Variants in JADE3 observed in about 807,000 individuals in gnomAD.
JADE3 encodes the protein protein Jade-3.
Under a neutral mutation model 50.1 loss-of-function variants are expected in JADE3, and 2 were observed. The ratio of observed to expected loss-of-function variants is 0.04; its 90% CI spans 0.02 to 0.13. The LOEUF (loss-of-function observed/expected upper bound fraction) is 0.13. Ranked by LOEUF, JADE3 falls within the 10% of genes least tolerant of loss-of-function variation. The probability of loss-of-function intolerance (pLI) is 1.00; values close to 1 mark genes in which losing one functional copy is unlikely to be tolerated. For missense variants in JADE3, 475 were observed against 634.4 expected (o/e 0.75, Z 2.70); for synonymous variants, 218 against 232.9 (o/e 0.94, Z 0.58).
chrX:46,991,071 TC>T (rs1174749618), intron 3 of JADE3, among the ~76,000 whole-genome samples: 49 of 300 alleles, frequency 0.16, 6 homozygotes, highest in South Asian at 0.33. Flanking sequence ...ACTCCCTCCC[TC>T]CCCCCCCCCC....
chrX:46,920,804 G>A (rs1926204935), intron 1 of JADE3, among the ~76,000 whole-genome samples: 1 of 112,072 alleles, frequency 8.9e-6, no homozygotes, highest in African/African-American at 3.2e-5. Flanking sequence ...TGGGCTCTCT[G>A]TTGCATTGAT....
rs1929703115 is a variant in JADE3, at chrX:47,059,026, C to T, written c.2421C>T (p.Cys807=). 1 of 1,204,896 alleles carries T rather than the reference C, an allele frequency of 8.3e-7. No individual in the cohort carries two copies. The highest frequency in any genetic ancestry group is 1.1e-6 in the Non-Finnish European group (1 of 893,753). The change falls in exon 11 of 11, where the codon TGC becomes TGT. Residue 807 remains cysteine, a synonymous_variant. Coordinates refer to ENST00000614628, the MANE Select transcript of JADE3 (RefSeq NM_014735.5). Reference sequence around the variant, plus strand: ...CTCCCCATGACTCTAGACGGGATTGCCATGGTAAAAGCAAGACACATCCCC... The same window carrying T: ...CTCCCCATGACTCTAGACGGGATTGTCATGGTAAAAGCAAGACACATCCCC... ...ENPPHDSRRD[C]HGKSKTHPLS...
chrX:46,993,063 G>A (rs782338759), intron 3 of JADE3, among the ~76,000 whole-genome samples: 15 of 111,924 alleles, frequency 1.3e-4, no homozygotes, highest in Non-Finnish European at 2.6e-4. Context: ...CTGGCTGGGT[G>A]CTGTGGCTCA....
chrX:47,055,332 A>G (rs1366311432), intron 9 of JADE3, among the ~76,000 whole-genome samples: 1 of 111,819 alleles, frequency 8.9e-6, no homozygotes, highest in East Asian at 2.8e-4. Context: ...AAATCTATAA[A>G]TGGCTTGTGT....
At chrX:46,956,612 G>A (rs1039889350) in intron 1 of JADE3, among the ~76,000 whole-genome samples, 2 of 102,980 alleles carry the variant, frequency 1.9e-5, no homozygotes, top group East Asian at 3.2e-4. Flanking sequence ...GTGCAGCCTC[G>A]AACTCCTGGG....
intron 4 of JADE3, among the ~76,000 whole-genome samples, chrX:47,011,269 T>C (rs782115988): frequency 8.9e-5 from 10 of 112,456 alleles, no homozygotes; most frequent in Non-Finnish European, 1.3e-4. Flanking sequence ...CTGACTTTTT[T>C]CATGTAGCAT....
intron 4 of JADE3, among the ~76,000 whole-genome samples, chrX:47,010,147 A>G (rs1432806543): frequency 9.0e-6 from 1 of 110,745 alleles, no homozygotes; most frequent in African/African-American, 3.3e-5. Context: ...TTGTCACATG[A>G]CCTCTGTGGT....
chrX:46,944,961 A>T (rs1433526831), intron 1 of JADE3, among the ~76,000 whole-genome samples: 7 of 108,156 alleles, frequency 6.5e-5, no homozygotes, highest in African/African-American at 2.4e-4. Flanking sequence ...CTCCCACTTC[A>T]GCCTCCCAAG....
At chrX:46,926,997 G>T (rs782567949) in intron 1 of JADE3, among the ~76,000 whole-genome samples, 2 of 112,256 alleles carry the variant, frequency 1.8e-5, no homozygotes, top group African/African-American at 6.5e-5. Context: ...ATATAAGTTT[G>T]CATTTCTCTA....
chrX:47,034,025 T>C (rs1569538225), intron 7 of JADE3, among the ~76,000 whole-genome samples: 1 of 111,371 alleles, frequency 9.0e-6, no homozygotes, highest in East Asian at 2.8e-4. Flanking sequence ...TACCCGAATA[T>C]ATACACGATA....
intron 1 of JADE3, among the ~76,000 whole-genome samples, chrX:46,969,618 C>T (rs1295232150): frequency 8.9e-6 from 1 of 112,175 alleles, no homozygotes; most frequent in Non-Finnish European, 1.9e-5. Context: ...GGACAGATCA[C>T]CTGAGGTCAG....
At chrX:46,923,132 G>A (rs1369435879) in intron 1 of JADE3, among the ~76,000 whole-genome samples, 1 of 107,577 alleles carries the variant, frequency 9.3e-6, no homozygotes, top group Non-Finnish European at 1.9e-5. Context: ...CCCATCTCAG[G>A]CTCCCAAGTA....
chrX:46,919,244 T>C (rs1182777391), intron 1 of JADE3, among the ~76,000 whole-genome samples: 1 of 111,645 alleles, frequency 9.0e-6, no homozygotes, highest in Admixed American at 9.5e-5. Flanking sequence ...CAAAGGAGTC[T>C]CTAGATTTCC....
At chrX:46,960,809 A>G (rs1259716671) in intron 1 of JADE3, among the ~76,000 whole-genome samples, 2 of 111,425 alleles carry the variant, frequency 1.8e-5, no homozygotes, top group Admixed American at 1.9e-4. Context: ...AAAAACCATT[A>G]TTTGTTCAAT....
intron 1 of JADE3, among the ~76,000 whole-genome samples, chrX:46,970,395 C>T (rs1323053139): frequency 2.7e-5 from 3 of 112,001 alleles, no homozygotes; most frequent in African/African-American, 9.8e-5. Context: ...TTAACAGTAA[C>T]CCTCCTTCAT....
At chrX:46,928,018 G>T (rs193289181) in intron 1 of JADE3, among the ~76,000 whole-genome samples, 83 of 112,038 alleles carry the variant, frequency 7.4e-4, no homozygotes, top group Non-Finnish European at 1.2e-3. Context: ...GTTTTCACAT[G>T]GTACAGTCCA....
intron 1 of JADE3, among the ~76,000 whole-genome samples, chrX:46,960,858 G>T (rs1244659226): frequency 9.0e-6 from 1 of 111,009 alleles, no homozygotes; most frequent in Non-Finnish European, 1.9e-5. Flanking sequence ...TAAGGAACCA[G>T]GTCAGAGAGA....
Position 47,024,780 on chromosome X carries a change from A to C in JADE3, c.341A>C (p.His114Pro). The change falls in exon 5 of 11, where the codon CAC (histidine) becomes CCC (proline). Residue 114 changes from histidine to proline, a missense_variant. By Grantham distance (77) the His-to-Pro change is moderately conservative (BLOSUM62 -2). Transcript: ENST00000614628. ...TTTATCCGACCCCGGAAGTATATTC[A>C]CTGCTCCAGCCCAGACACCACAGAG... Reference protein sequence around the residue: ...VLFIRPRKYIHCSSPDTTEPG... With the variant: ...VLFIRPRKYIPCSSPDTTEPG... 1 of 1,199,597 alleles carries C rather than the reference A, an allele frequency of 8.3e-7. No individual in the cohort carries two copies. Among genetic ancestry groups the C allele is most frequent in the Non-Finnish European group, 1.1e-6 (1 of 885,417 alleles).
intron 1 of JADE3, among the ~76,000 whole-genome samples, chrX:46,926,901 C>T (rs1325128540): frequency 1.8e-5 from 2 of 112,340 alleles, no homozygotes; most frequent in East Asian, 5.5e-4. Flanking sequence ...TTTAATCATT[C>T]ACCATTGAAA....
Sources: allele counts gnomAD v4.1 joint callset (sites outside exome capture counted in the v4.1 genomes callset), GRCh38; gene constraint gnomAD v4.1.1; transcripts MANE v1.5; gene names NCBI Gene and HGNC (gene_info 2026-07-23, HGNC 2026-07-21).